Variants in MAP7D2 observed in about 807,000 individuals in gnomAD.
MAP7D2 encodes the protein MAP7 domain-containing protein 2.
A neutral mutation model predicts 63.5 loss-of-function variants in MAP7D2; 33 were observed. The ratio of observed to expected loss-of-function variants is 0.52; its 90% CI spans 0.39 to 0.70. The LOEUF (loss-of-function observed/expected upper bound fraction) is 0.70. Ranked by LOEUF, MAP7D2 falls within the 30% of genes least tolerant of loss-of-function variation. MAP7D2 has a pLI of 0.00. For missense variants in MAP7D2, 626 were observed against 604.0 expected (o/e 1.04, Z -0.38); for synonymous variants, 224 against 223.7 (o/e 1.00, Z -0.01).
intron 7 of MAP7D2, among the ~76,000 whole-genome samples, chrX:20,042,893 ACG>A (rs1190424095): frequency 8.9e-6 from 1 of 112,216 alleles, no homozygotes; most frequent in African/African-American, 3.2e-5. Flanking sequence ...GAACCATATT[ACG>A]GTCTTAGACA....
chrX:20,080,996 C>T (rs1408157348), intron 1 of MAP7D2, among the ~76,000 whole-genome samples: 1 of 111,741 alleles, frequency 8.9e-6, no homozygotes, highest in Non-Finnish European at 1.9e-5. Flanking sequence ...GCTCCCAACT[C>T]ACCAATCCAA....
At chrX:20,084,171 C>T (rs1459900326) in intron 1 of MAP7D2, among the ~76,000 whole-genome samples, 3 of 102,436 alleles carry the variant, frequency 2.9e-5, no homozygotes, top group South Asian at 4.7e-4. Context: ...GCTGCACCCC[C>T]GCCTGGTCAA....
At chrX:20,104,657 TTAA>T (rs2066522370) in intron 1 of MAP7D2, among the ~76,000 whole-genome samples, 1 of 112,120 alleles carries the variant, frequency 8.9e-6, no homozygotes, top group South Asian at 3.7e-4. Flanking sequence ...CTACAACTGC[TTAA>T]AAATATTGAT....
At chrX:20,021,938 G>T (rs1296940370) in intron 10 of MAP7D2, among the ~76,000 whole-genome samples, 1 of 111,726 alleles carries the variant, frequency 9.0e-6, no homozygotes, top group African/African-American at 3.3e-5. Context: ...TTCCTTTCTT[G>T]TACATTTACT....
intron 1 of MAP7D2, among the ~76,000 whole-genome samples, chrX:20,103,969 G>A (rs2066502422): frequency 8.9e-6 from 1 of 112,126 alleles, no homozygotes. Flanking sequence ...CAGTAGAAAG[G>A]CACTGAGAAC....
intron 8 of MAP7D2, among the ~76,000 whole-genome samples, chrX:20,027,786 G>GAGAGAC (rs1387650597): frequency 7.3e-5 from 7 of 95,271 alleles, no homozygotes; most frequent in Non-Finnish European, 1.5e-4. Context: ...GAGAGAGAGA[G>GAGAGAC]AGAGACAGAG....
chrX:20,043,006 CT>C, intron 7 of MAP7D2, among the ~76,000 whole-genome samples: 1 of 111,922 alleles, frequency 8.9e-6, no homozygotes, highest in East Asian at 2.8e-4. Flanking sequence ...GCTGTGGCCC[CT>C]GATGGTATAC....
chrX:20,076,274 A>G (rs907107435), intron 1 of MAP7D2, among the ~76,000 whole-genome samples: 1 of 111,900 alleles, frequency 8.9e-6, no homozygotes, highest in Admixed American at 9.5e-5. Flanking sequence ...CACCCAATTC[A>G]TTCCTTGCAA....
At chrX:20,042,465 ACAGT>A in intron 8 of MAP7D2, 33 bp downstream of exon 8, 1 of 1,203,932 alleles carries the variant, frequency 8.3e-7, no homozygotes, top group Non-Finnish European at 1.1e-6. Context: ...CTGACTCATG[ACAGT>A]CAGACTGTCT....
intron 1 of MAP7D2, among the ~76,000 whole-genome samples, chrX:20,100,148 T>G (rs1019123459): frequency 6.2e-5 from 7 of 112,135 alleles, no homozygotes; most frequent in Non-Finnish European, 1.1e-4. Context: ...AGCCTGCTCA[T>G]GAAGTGGTGC....
At chrX:20,025,591 T>C in intron 9 of MAP7D2, 90 bp downstream of exon 9, 1 of 1,103,693 alleles carries the variant, frequency 9.1e-7, no homozygotes, top group South Asian at 2.1e-5. Context: ...GAAAAATCCC[T>C]TTCCCTCCCC....
intron 6 of MAP7D2, among the ~76,000 whole-genome samples, chrX:20,050,018 A>G (rs1253616657): frequency 8.9e-6 from 1 of 112,365 alleles, no homozygotes; most frequent in Non-Finnish European, 1.9e-5. Flanking sequence ...AAGCAGCTAC[A>G]ACTAGGCAGA....
chrX:20,111,466 C>G, intron 1 of MAP7D2, among the ~76,000 whole-genome samples: 1 of 111,665 alleles, frequency 9.0e-6, no homozygotes, highest in Non-Finnish European at 1.9e-5. Flanking sequence ...ATATTGGTTT[C>G]TAAACCTCTA....
At chrX:20,040,696 T>A (rs929297765) in intron 8 of MAP7D2, among the ~76,000 whole-genome samples, 1 of 111,530 alleles carries the variant, frequency 9.0e-6, no homozygotes, top group Non-Finnish European at 1.9e-5. Context: ...ACACACACAT[T>A]AAGTTTGTCA....
At chrX:20,064,471 T>C (rs12006600) in intron 2 of MAP7D2, among the ~76,000 whole-genome samples, 3,053 of 112,137 alleles carry the variant, frequency 0.027, 107 homozygotes, top group African/African-American at 0.094. Flanking sequence ...ACTGTTTCTC[T>C]TTCTTCAATA....
At chrX:20,023,022 A>G in intron 10 of MAP7D2, among the ~76,000 whole-genome samples, 1 of 112,057 alleles carries the variant, frequency 8.9e-6, no homozygotes, top group East Asian at 2.8e-4. Context: ...AGGGTCTGAT[A>G]GTGGACAATG....
chrX:20,023,470 T>C (rs1293435058), intron 10 of MAP7D2, among the ~76,000 whole-genome samples: 3 of 112,279 alleles, frequency 2.7e-5, no homozygotes, highest in Admixed American at 9.4e-5. Context: ...AGGGCAAGCT[T>C]GACAAGGCCA....
At chrX:20,080,572 A>T (rs1477243344) in intron 1 of MAP7D2, among the ~76,000 whole-genome samples, 1 of 110,526 alleles carries the variant, frequency 9.0e-6, no homozygotes, top group Non-Finnish European at 1.9e-5. Context: ...CTTTTGCGTG[A>T]GCTTCTGGAG....
chrX:20,020,251 C>G lies in MAP7D2; in HGVS notation c.1413-3926G>C, dbSNP rs751029551. ...TGTCCCTCCCACTAGCCCCTCTTCCCTTCATTTGTCAGTTTCAACCTTCTG... is the reference window on the plus strand; with the variant it reads ...TGTCCCTCCCACTAGCCCCTCTTCCGTTCATTTGTCAGTTTCAACCTTCTG... On this transcript the variant is annotated intron_variant, in intron 10 of 16. Transcript: ENST00000379643. Among the ~76,000 whole-genome samples, 156 of 111,359 alleles carry G rather than the reference C, an allele frequency of 1.4e-3. 1 individual carries two copies. Among genetic ancestry groups the G allele is most frequent in the African/African-American group, 4.8e-3 (148 of 30,643 alleles).
Sources: gnomAD v4.1 joint callset for allele counts (sites outside exome capture counted in the v4.1 genomes callset) on GRCh38, gnomAD v4.1.1 for gene constraint, MANE v1.5 for transcripts, NCBI Gene and HGNC (gene_info 2026-07-23, HGNC 2026-07-21) for gene names.